NADSYN1: variants seen among roughly 807,000 people sequenced by gnomAD.
NADSYN1 encodes the protein glutamine-dependent NAD(+) synthetase.
NADSYN1 carries 80 observed loss-of-function variants against 99.3 expected under a neutral mutation model. The observed-to-expected ratio is 0.81, with a 90% CI of 0.67 to 0.97. The LOEUF (loss-of-function observed/expected upper bound fraction) is 0.97. NADSYN1 is among the 50% of genes least tolerant of loss of function. The pLI is 0.00. For synonymous variants in NADSYN1, 385 were observed against 372.1 expected (o/e 1.03, Z -0.40); for missense variants, 859 against 948.5 (o/e 0.91, Z 1.24).
chr11:71,464,230 G>A (rs181627478), intron 5 of NADSYN1, 88 bp downstream of exon 5: 454 of 1,033,388 alleles, frequency 4.4e-4, no homozygotes, highest in African/African-American at 2.2e-3. Context: ...GAGTGTTACC[G>A]GTGGAGGGTG....
chr11:71,458,497 C>G lies in NADSYN1; in HGVS notation c.216C>G (p.Ala72=). Residue 72 remains alanine (A), a synonymous_variant, in exon 3 of 21, where the codon GCC becomes GCG. Coordinates refer to ENST00000319023, the MANE Select transcript of NADSYN1 (RefSeq NM_018161.5). ...TGCACTCGTTTCAAGTCCTAGCGGC[C>G]CTTGTGGAGTCTCCCGTCACTCAGG... The part of the protein sequence containing the change: ...TLLHSFQVLA[A]LVESPVTQDI... 6.2e-7 allele frequency: 1 copy of G among 1,613,766 alleles called. No individual in the cohort carries two copies. Among genetic ancestry groups the G allele is most frequent in the Non-Finnish European group, 8.5e-7 (1 of 1,179,726 alleles).
At chr11:71,462,587 G>A (rs954942013) in intron 3 of NADSYN1, among the ~76,000 whole-genome samples, 4 of 152,160 alleles carry the variant, frequency 2.6e-5, no homozygotes, top group African/African-American at 9.7e-5. Flanking sequence ...TGTCAGGAGT[G>A]CATCCTTCAC....
chr11:71,477,403 A>C (rs994892247), intron 9 of NADSYN1: 1 of 1,289,682 alleles, frequency 7.8e-7, no homozygotes, highest in African/African-American at 1.5e-5. Context: ...GGATGCGTGA[A>C]TCGGTCTCCT....
chr11:71,456,786 C>T (rs1414439671), intron 2 of NADSYN1, among the ~76,000 whole-genome samples: 1 of 152,218 alleles, frequency 6.6e-6, no homozygotes, highest in Admixed American at 6.5e-5. Context: ...TAGCTTACAA[C>T]CTGCTGAGCA....
chr11:71,491,025 C>T (rs1315651186), intron 17 of NADSYN1, 49 bp downstream of exon 17: 1 of 1,609,206 alleles, frequency 6.2e-7, no homozygotes, highest in Non-Finnish European at 8.5e-7. Context: ...GCTCCTCTCC[C>T]AGCACGGCCC....
chr11:71,464,146 A>G lies in NADSYN1; in HGVS notation c.407+4A>G, dbSNP rs368103496. ...TCACCCCGTGGTCGAGGAGTCGGTG[A>G]GTCGGGTGCCTGACCACTCCTGGGA... On this transcript the variant is annotated splice_donor_region_variant and intron_variant, in intron 5 of 20. Coordinates refer to ENST00000319023, the MANE Select transcript of NADSYN1 (RefSeq NM_018161.5). The G allele has an allele frequency of 2.5e-6, 4 of 1,602,908 alleles. No homozygotes were observed. Among genetic ancestry groups the G allele is most frequent in the Non-Finnish European group, 3.4e-6 (4 of 1,174,686 alleles).
chr11:71,478,760 A>C, intron 10 of NADSYN1: 1 of 365,072 alleles, frequency 2.7e-6, no homozygotes. Flanking sequence ...CACAAGGAAG[A>C]CCCAAGCAGC....
intron 19 of NADSYN1, among the ~76,000 whole-genome samples, chr11:71,497,861 T>C (rs1949830611): frequency 1.3e-5 from 2 of 152,336 alleles, no homozygotes; most frequent in South Asian, 4.1e-4. Context: ...TTTTTGAGGA[T>C]AGAATGTAAA....
At chr11:71,493,699 T>C (rs1031104295) in intron 18 of NADSYN1, among the ~76,000 whole-genome samples, 6 of 152,256 alleles carry the variant, frequency 3.9e-5, no homozygotes, top group African/African-American at 1.4e-4. Context: ...CTATAATTTC[T>C]TCCAAGAGTT....
chr11:71,492,955 T>G (rs753906716), intron 18 of NADSYN1, among the ~76,000 whole-genome samples: 1 of 151,358 alleles, frequency 6.6e-6, no homozygotes, highest in Non-Finnish European at 1.5e-5. Flanking sequence ...TGGCACAATC[T>G]CAGCTCACTG....
chr11:71,463,401 GAC>G (rs1329025928), intron 3 of NADSYN1, 29 bp from the exon 4 acceptor site: 3 of 1,600,424 alleles, frequency 1.9e-6, no homozygotes, highest in Non-Finnish European at 2.6e-6. Context: ...TAACCGGGCA[GAC>G]ACACATGTAC....
chr11:71,454,631 C>T (rs1225752909), intron 1 of NADSYN1, among the ~76,000 whole-genome samples: 1 of 152,244 alleles, frequency 6.6e-6, no homozygotes, highest in Non-Finnish European at 1.5e-5. Context: ...GCCTCTCCTC[C>T]CTAGGTGCTT....
chr11:71,489,535 T>C (rs1212371626), intron 16 of NADSYN1, among the ~76,000 whole-genome samples: 1 of 152,176 alleles, frequency 6.6e-6, no homozygotes, highest in African/African-American at 2.4e-5. Context: ...TGGCAGTTAC[T>C]GGGGATGGAA....
intron 9 of NADSYN1, chr11:71,477,126 C>A: frequency 8.8e-7 from 1 of 1,129,944 alleles, no homozygotes; most frequent in Non-Finnish European, 1.1e-6. Flanking sequence ...AGCAACAGAC[C>A]TGCCGATCAC....
intron 15 of NADSYN1, chr11:71,484,695 G>A (rs1949730682): frequency 1.9e-6 from 1 of 519,470 alleles, no homozygotes; most frequent in Admixed American, 3.3e-5. Flanking sequence ...ATGTGTAAGA[G>A]CAAGAGCGGG....
intron 5 of NADSYN1, among the ~76,000 whole-genome samples, chr11:71,467,889 CAA>C (rs1949602988): frequency 6.6e-6 from 1 of 152,168 alleles, no homozygotes; most frequent in African/African-American, 2.4e-5. Flanking sequence ...ACAGGATAAA[CAA>C]ATAGAAATTC....
Position 71,501,464 on chromosome 11 carries a change from G to T in NADSYN1, c.*112G>T, listed in dbSNP as rs113681770. The T allele has an allele frequency of 2.0e-6, 2 of 1,010,478 alleles. No homozygotes were observed. The highest frequency in any genetic ancestry group is 2.9e-6 in the Non-Finnish European group (2 of 687,398). 62.6% of individuals were successfully genotyped at this position (1,010,478 alleles called of 1,614,324 possible). Reference sequence around the variant, plus strand: ...CACTAGGAGCCCAGGATGGGACGGCGCATCAGCCGAGAGGGAGGGAACTTT... The same window carrying T: ...CACTAGGAGCCCAGGATGGGACGGCTCATCAGCCGAGAGGGAGGGAACTTT... On this transcript the variant is annotated 3_prime_UTR_variant, in exon 21 of 21. Transcript: ENST00000319023.
chr11:71,483,085 C>T, intron 14 of NADSYN1, 68 bp downstream of exon 14: 1 of 1,575,438 alleles, frequency 6.3e-7, no homozygotes, highest in South Asian at 1.1e-5. Flanking sequence ...GGAAGCTCCG[C>T]CTGTGAGTGC....
At chr11:71,487,467 A>G (rs893065654) in intron 16 of NADSYN1, among the ~76,000 whole-genome samples, 14 of 152,224 alleles carry the variant, frequency 9.2e-5, no homozygotes, top group African/African-American at 3.4e-4. Flanking sequence ...ATGTTAACAA[A>G]GAAACAAGTA....
Sources: gnomAD v4.1 joint callset for allele counts (sites outside exome capture counted in the v4.1 genomes callset) on GRCh38, gnomAD v4.1.1 for gene constraint, MANE v1.5 for transcripts, NCBI Gene and HGNC (gene_info 2026-07-23, HGNC 2026-07-21) for gene names.